Variants in CSMD1 observed in about 807,000 individuals in gnomAD.
The protein encoded by CSMD1 is CUB and Sushi multiple domains 1, also known as CUB and sushi domain-containing protein 1.
A neutral mutation model predicts 417.5 loss-of-function variants in CSMD1; 213 were observed. The observed-to-expected ratio is 0.51, with a 90% CI of 0.46 to 0.57. CSMD1 has a LOEUF of 0.57. CSMD1 is among the 20% of genes least tolerant of loss of function. The pLI is 0.00. For synonymous variants in CSMD1, 2,862 were observed against 1,736.8 expected (o/e 1.65, Z -16.11); for missense variants, 6,923 against 4,529.7 (o/e 1.53, Z -15.17).
At chr8:4,910,457 T>A (rs112837828) in intron 1 of CSMD1, among the ~76,000 whole-genome samples, 15 of 152,338 alleles carry the variant, frequency 9.8e-5, no homozygotes, top group African/African-American at 2.6e-4. Context: ...ATTAGCGGGT[T>A]TGTCCTCTGA....
At chr8:4,211,007 A>G (rs890722536) in intron 3 of CSMD1, among the ~76,000 whole-genome samples, 6 of 152,204 alleles carry the variant, frequency 3.9e-5, no homozygotes, top group Admixed American at 3.3e-4. Flanking sequence ...AAGAACCACA[A>G]TGAAATAAAA....
At chr8:3,174,928 T>C (rs1820810978) in intron 37 of CSMD1, among the ~76,000 whole-genome samples, 1 of 152,176 alleles carries the variant, frequency 6.6e-6, no homozygotes, top group South Asian at 2.1e-4. Flanking sequence ...ATTTTTTGAG[T>C]GAGATCTTAT....
intron 12 of CSMD1, among the ~76,000 whole-genome samples, chr8:3,464,852 C>G (rs1265772099): frequency 1.3e-5 from 2 of 151,950 alleles, no homozygotes; most frequent in Non-Finnish European, 2.9e-5. Flanking sequence ...CAAAGCTTAC[C>G]TCTCTCCCAT....
chr8:4,902,604 G>C (rs1804959601), intron 1 of CSMD1, among the ~76,000 whole-genome samples: 1 of 152,094 alleles, frequency 6.6e-6, no homozygotes, highest in Admixed American at 6.6e-5. Flanking sequence ...AACATCCTTT[G>C]ACCATTGTAA....
At chr8:4,680,132 C>T (rs1805946282) in intron 1 of CSMD1, among the ~76,000 whole-genome samples, 1 of 152,146 alleles carries the variant, frequency 6.6e-6, no homozygotes, top group Non-Finnish European at 1.5e-5. Flanking sequence ...GGTAAAAGGA[C>T]AACTATGAAT....
At chr8:3,775,370 G>C (rs1305716280) in intron 5 of CSMD1, among the ~76,000 whole-genome samples, 2 of 152,122 alleles carry the variant, frequency 1.3e-5, no homozygotes, top group South Asian at 2.1e-4. Context: ...AGCAGACACA[G>C]CATAGCAGGT....
At chr8:3,611,167 G>A (rs538760812) in intron 8 of CSMD1, among the ~76,000 whole-genome samples, 1 of 151,548 alleles carries the variant, frequency 6.6e-6, no homozygotes, top group African/African-American at 2.4e-5. Flanking sequence ...CACCAGCATG[G>A]CACATGTATA....
intron 47 of CSMD1, 137 bp from the exon 48 acceptor site, chr8:3,091,799 T>C (rs969824556): frequency 4.6e-6 from 3 of 657,276 alleles, no homozygotes; most frequent in Admixed American, 3.9e-5. Context: ...GGACAACAAA[T>C]TCCAAATGGC....
At chr8:4,701,597 C>A (rs910373603) in intron 1 of CSMD1, among the ~76,000 whole-genome samples, 1 of 152,082 alleles carries the variant, frequency 6.6e-6, no homozygotes, top group Non-Finnish European at 1.5e-5. Flanking sequence ...GATCACAAGA[C>A]TCTCAGGTTC....
chr8:3,274,121 T>A (rs1802084203), intron 26 of CSMD1, among the ~76,000 whole-genome samples: 1 of 152,084 alleles, frequency 6.6e-6, no homozygotes. Context: ...GACTCTGGTA[T>A]GTTGTGTCTT....
chr8:3,332,678 T>C (rs1469479800), intron 23 of CSMD1, among the ~76,000 whole-genome samples: 3 of 151,816 alleles, frequency 2.0e-5, no homozygotes, highest in Non-Finnish European at 4.4e-5. Flanking sequence ...AGTGCGTGCA[T>C]GTGTGCGTGC....
intron 5 of CSMD1, among the ~76,000 whole-genome samples, chr8:3,983,259 T>G (rs1302646768): frequency 6.6e-6 from 1 of 151,422 alleles, no homozygotes; most frequent in Non-Finnish European, 1.5e-5. Flanking sequence ...GCCTCCCGAG[T>G]AGCTGGGACT....
chr8:3,897,861 T>C (rs113304425), intron 5 of CSMD1, among the ~76,000 whole-genome samples: 14 of 152,326 alleles, frequency 9.2e-5, no homozygotes, highest in African/African-American at 3.4e-4. Flanking sequence ...GTGCTGCTTC[T>C]TATAGCCTAT....
chr8:4,222,176 G>A (rs185781725), intron 3 of CSMD1, among the ~76,000 whole-genome samples: 1 of 151,870 alleles, frequency 6.6e-6, no homozygotes, highest in South Asian at 2.1e-4. Context: ...AACCCCTTCT[G>A]TGTCTACACT....
intron 5 of CSMD1, among the ~76,000 whole-genome samples, chr8:3,993,378 G>T (rs932542276): frequency 6.6e-6 from 1 of 152,128 alleles, no homozygotes; most frequent in Non-Finnish European, 1.5e-5. Flanking sequence ...AAATTAAATA[G>T]ACACCAAGTC....
At chr8:3,494,575 G>T (rs574571431) in intron 10 of CSMD1, among the ~76,000 whole-genome samples, 1 of 149,136 alleles carries the variant, frequency 6.7e-6, no homozygotes, top group African/African-American at 2.5e-5. Flanking sequence ...TAGATAGATA[G>T]ATAGATAGAT....
chr8:4,504,914 G>A (rs964697596), intron 2 of CSMD1, among the ~76,000 whole-genome samples: 1 of 152,110 alleles, frequency 6.6e-6, no homozygotes, highest in Non-Finnish European at 1.5e-5. Context: ...CCAAGTCTTT[G>A]TTATTGTAAA....
chr8:3,323,910 T>C (rs1486505907), intron 23 of CSMD1, among the ~76,000 whole-genome samples: 1 of 131,354 alleles, frequency 7.6e-6, no homozygotes, highest in Non-Finnish European at 1.6e-5. Context: ...CTTTCATCAT[T>C]GTTAAAATAG....
intron 3 of CSMD1, among the ~76,000 whole-genome samples, chr8:4,249,128 C>G (rs1487522504): frequency 6.6e-6 from 1 of 152,170 alleles, no homozygotes; most frequent in East Asian, 1.9e-4. Flanking sequence ...TTACACCAAA[C>G]TTTCGTGGGA....
Sources: gnomAD v4.1 joint callset for allele counts (sites outside exome capture counted in the v4.1 genomes callset) on GRCh38, gnomAD v4.1.1 for gene constraint, MANE v1.5 for transcripts, NCBI Gene and HGNC (gene_info 2026-07-23, HGNC 2026-07-21) for gene names.